The following LIN7A variants were observed in gnomAD, a reference collection of about 807,000 sequenced individuals.
The protein encoded by LIN7A is lin-7 cell polarity scaffold A.
A neutral mutation model predicts 29.8 loss-of-function variants in LIN7A; 25 were observed. The observed-to-expected ratio is 0.84, with a 90% CI of 0.61 to 1.17. The LOEUF is 1.17. Among genes scored for constraint, LIN7A ranks in the 50% most tolerant of loss-of-function variants. The probability of loss-of-function intolerance (pLI) is 0.00; values close to 1 mark genes in which losing one functional copy is unlikely to be tolerated. For synonymous variants in LIN7A, 118 were observed against 107.5 expected (o/e 1.10, Z -0.60); for missense variants, 239 against 287.0 (o/e 0.83, Z 1.21).
At chr12:80,858,358 T>C (rs1287346559) in intron 2 of LIN7A, among the ~76,000 whole-genome samples, 1 of 152,210 alleles carries the variant, frequency 6.6e-6, no homozygotes, top group Non-Finnish European at 1.5e-5. Flanking sequence ...TATTTCCTAG[T>C]GGCTCTTAAC....
intron 1 of LIN7A, among the ~76,000 whole-genome samples, chr12:80,905,233 A>G (rs1436508533): frequency 6.6e-6 from 1 of 151,828 alleles, no homozygotes; most frequent in Non-Finnish European, 1.5e-5. Flanking sequence ...TCTGTCACCC[A>G]GGCTGGAGTG....
chr12:80,805,046 C>G (rs775330458), intron 5 of LIN7A, among the ~76,000 whole-genome samples: 3 of 152,092 alleles, frequency 2.0e-5, no homozygotes, highest in Non-Finnish European at 4.4e-5. Flanking sequence ...AGTGGTTGTA[C>G]TAATTAGTTT....
At position 80,845,955 on chromosome 12, in the gene LIN7A, A is replaced by AG. The variant is rs2121548933; in HGVS notation, c.274-17_274-16insC. On this transcript the variant is annotated splice_polypyrimidine_tract_variant and intron_variant, in intron 3 of 5. Transcript: ENST00000552864. ...CAACTGTTGCCTGAAAAAAAAAAAA[A>AG]AAGATGGTCTTTTGGTAATAAAATG... is the stretch of plus-strand genomic sequence containing the variant. 6.3e-7 allele frequency: 1 copy of AG among 1,580,404 alleles called. No individual in the cohort carries two copies. The highest frequency in any genetic ancestry group is 2.2e-5 in the East Asian group (1 of 44,596).
At chr12:80,921,710 T>C (rs905764065) in intron 1 of LIN7A, among the ~76,000 whole-genome samples, 4 of 152,106 alleles carry the variant, frequency 2.6e-5, no homozygotes, top group Admixed American at 1.3e-4. Context: ...CTTCAACATA[T>C]GCATTTTGGG....
At chr12:80,849,627 A>C (rs1592893026) in intron 2 of LIN7A, among the ~76,000 whole-genome samples, 1 of 152,112 alleles carries the variant, frequency 6.6e-6, no homozygotes, top group East Asian at 1.9e-4. Flanking sequence ...AAATACCTAC[A>C]GGAGTCAAGC....
At chr12:80,849,599 T>G (rs981453615) in intron 2 of LIN7A, among the ~76,000 whole-genome samples, 2 of 152,126 alleles carry the variant, frequency 1.3e-5, no homozygotes, top group African/African-American at 2.4e-5. Context: ...CTGCCCTTAC[T>G]GCAAAGGTGA....
intron 1 of LIN7A, among the ~76,000 whole-genome samples, chr12:80,922,158 T>G (rs1425770072): frequency 6.6e-6 from 1 of 152,250 alleles, no homozygotes; most frequent in African/African-American, 2.4e-5. Flanking sequence ...TCTGTAAGTT[T>G]ACTTAGGTAG....
intron 2 of LIN7A, among the ~76,000 whole-genome samples, chr12:80,870,510 A>G (rs927183776): frequency 6.6e-6 from 1 of 152,216 alleles, no homozygotes; most frequent in African/African-American, 2.4e-5. Flanking sequence ...TGTAAGAGGA[A>G]CAGAAGTGGG....
At chr12:80,898,588 A>G (rs1479734679) in intron 1 of LIN7A, among the ~76,000 whole-genome samples, 4 of 150,618 alleles carry the variant, frequency 2.7e-5, no homozygotes, top group Non-Finnish European at 4.4e-5. Context: ...GTCCATTTTA[A>G]TAATATTGAT....
At chr12:80,907,312 A>G (rs2120775409) in intron 1 of LIN7A, among the ~76,000 whole-genome samples, 1 of 152,186 alleles carries the variant, frequency 6.6e-6, no homozygotes, top group East Asian at 1.9e-4. Context: ...TATTTGCTTT[A>G]TATCTTTTTG....
chr12:80,896,242 G>A (rs1165350429), intron 1 of LIN7A, among the ~76,000 whole-genome samples: 7 of 152,176 alleles, frequency 4.6e-5, no homozygotes, highest in Non-Finnish European at 1.0e-4. Context: ...GAGGGAGTAA[G>A]CCTACATGTG....
intron 1 of LIN7A, among the ~76,000 whole-genome samples, chr12:80,927,095 G>T (rs1260026164): frequency 6.7e-6 from 1 of 148,228 alleles, no homozygotes; most frequent in African/African-American, 2.5e-5. Flanking sequence ...AAATGATATG[G>T]TTTTTCTCCT....
chr12:80,870,009 G>A (rs1874347986), intron 2 of LIN7A, among the ~76,000 whole-genome samples: 1 of 152,174 alleles, frequency 6.6e-6, no homozygotes, highest in South Asian at 2.1e-4. Context: ...TACGAGGAAA[G>A]TTAAAAGAAA....
rs115331476 is a variant in LIN7A, at chr12:80,857,796, A to T, written c.202-9474T>A. ...GACACAGTGATGGCCTTAAATATCT[A>T]ACCATCTGCCTAGCCAAGTTACAAA... is the stretch of plus-strand genomic sequence containing the variant. On this transcript the variant is annotated intron_variant, in intron 2 of 5. Coordinates refer to ENST00000552864, the MANE Select transcript of LIN7A (RefSeq NM_004664.4). Among the ~76,000 whole-genome samples, 1,010 of 152,306 alleles carry T rather than the reference A, an allele frequency of 6.6e-3. 14 individuals carry two copies. Among genetic ancestry groups the T allele is most frequent in the African/African-American group, 0.023 (945 of 41,578 alleles).
At chr12:80,845,152 G>GT (rs1355258174) in intron 4 of LIN7A, among the ~76,000 whole-genome samples, 1 of 151,418 alleles carries the variant, frequency 6.6e-6, no homozygotes, top group Non-Finnish European at 1.5e-5. Context: ...CAGCAGAATG[G>GT]TGTGAACCCG....
At chr12:80,847,068 C>T (rs1873112087) in intron 3 of LIN7A, among the ~76,000 whole-genome samples, 1 of 152,180 alleles carries the variant, frequency 6.6e-6, no homozygotes, top group Non-Finnish European at 1.5e-5. Context: ...AAAACAATGG[C>T]TTGTTTTTAG....
intron 1 of LIN7A, among the ~76,000 whole-genome samples, chr12:80,929,971 T>C (rs1275591602): frequency 6.6e-6 from 1 of 152,192 alleles, no homozygotes; most frequent in Non-Finnish European, 1.5e-5. Context: ...CATGCTATGT[T>C]TCTCCATCTA....
At chr12:80,916,810 TAAAG>T (rs1204560483) in intron 1 of LIN7A, among the ~76,000 whole-genome samples, 1 of 133,902 alleles carries the variant, frequency 7.5e-6, no homozygotes, top group Non-Finnish European at 1.5e-5. Flanking sequence ...ATTTGCCAGA[TAAAG>T]AGAAGAAGAA....
intron 1 of LIN7A, among the ~76,000 whole-genome samples, chr12:80,897,802 C>CA (rs1191457139): frequency 2.7e-4 from 40 of 150,076 alleles, no homozygotes; most frequent in African/African-American, 9.1e-4. Flanking sequence ...AAGACTGTCT[C>CA]AAAAAAAATA....
Sources: allele counts gnomAD v4.1 joint callset (sites outside exome capture counted in the v4.1 genomes callset), GRCh38; gene constraint gnomAD v4.1.1; transcripts MANE v1.5; gene names NCBI Gene and HGNC (gene_info 2026-07-23, HGNC 2026-07-21).